Variants in CREG1 observed in about 807,000 individuals in gnomAD.
The protein encoded by CREG1 is protein CREG1.
Under a neutral mutation model 19.9 loss-of-function variants are expected in CREG1, and 20 were observed. The observed-to-expected ratio is 1.01, with a 90% CI of 0.71 to 1.46. CREG1 has a LOEUF of 1.46. Among genes scored for constraint, CREG1 ranks in the 40% most tolerant of loss-of-function variants. The pLI is 0.00. For synonymous variants in CREG1, 141 were observed against 143.3 expected (o/e 0.98, Z 0.12); for missense variants, 290 against 314.9 (o/e 0.92, Z 0.60).
intron 3 of CREG1, among the ~76,000 whole-genome samples, chr1:167,543,142 GAGGCTGAGGC>G (rs995718373): frequency 6.6e-6 from 1 of 151,952 alleles, no homozygotes; most frequent in African/African-American, 2.4e-5. Flanking sequence ...AGCTGCTCAG[GAGGCTGAGGC>G]AGGAGAATGG....
intron 3 of CREG1, 139 bp downstream of exon 3, chr1:167,545,962 T>A (rs762557046): frequency 3.9e-6 from 2 of 509,270 alleles, no homozygotes; most frequent in Non-Finnish European, 7.0e-6. Context: ...TAAAACATTA[T>A]TCTGAGAAGG....
In CREG1 at chr1:167,547,974, T is replaced by C. The variant is rs1313391703; in HGVS notation, c.474+28A>G. 7 of 1,593,992 alleles carry C rather than the reference T, an allele frequency of 4.4e-6. No homozygotes were observed. In the East Asian group the frequency reaches 6.8e-5, roughly 15 times the overall value. On this transcript the variant is annotated intron_variant, in intron 2 of 3. Coordinates refer to ENST00000370509, the MANE Select transcript of CREG1 (RefSeq NM_003851.3). ...TGAATACGATGGTGTTCTGAAACCA[T>C]CTCCCTTCCTGTAGGATAACTACTT... is the stretch of plus-strand genomic sequence containing the variant.
chr1:167,546,033 C>G (rs1432068510), intron 3 of CREG1, 68 bp downstream of exon 3: 4 of 1,391,616 alleles, frequency 2.9e-6, no homozygotes, highest in African/African-American at 1.4e-5. Flanking sequence ...TTAAACCCCC[C>G]TTGCCTTAGA....
Position 167,542,025 on chromosome 1 carries a change from G to T in CREG1, c.*273C>A. On this transcript the variant is annotated 3_prime_UTR_variant, in exon 4 of 4. Transcript: ENST00000370509. ...ACTGGAAACATCTTTGGAATTGATG[G>T]GACAAAACTTATTTGATTATAGTGA... 2.9e-6 allele frequency: 1 copy of T among 339,104 alleles called. No homozygotes were observed. Among genetic ancestry groups the T allele is most frequent in the East Asian group, 5.1e-5 (1 of 19,692 alleles). The allele number at this position is 339,104 out of a possible 1,614,324, so 21.0% of individuals were successfully genotyped here.
intron 1 of CREG1, among the ~76,000 whole-genome samples, chr1:167,552,775 G>C (rs148125566): frequency 3.3e-5 from 5 of 152,160 alleles, no homozygotes. Flanking sequence ...GGCAGGGCGC[G>C]GTGGTTCACG....
At chr1:167,543,106 GCGTGGTGGCAGGTGCC>G (rs1656253882) in intron 3 of CREG1, among the ~76,000 whole-genome samples, 1 of 152,044 alleles carries the variant, frequency 6.6e-6, no homozygotes, top group Non-Finnish European at 1.5e-5. Context: ...AATTAGCCAG[GCGTGGTGGCAGGTGCC>G]TGTGGTCCCA....
At chr1:167,548,310 G>A (rs1484301000) in intron 1 of CREG1, among the ~76,000 whole-genome samples, 189 bp from the exon 2 acceptor site, 1 of 152,214 alleles carries the variant, frequency 6.6e-6, no homozygotes, top group Non-Finnish European at 1.5e-5. Flanking sequence ...CCCCAAAGGG[G>A]GTGCGGGGGT....
intron 1 of CREG1, among the ~76,000 whole-genome samples, chr1:167,551,325 G>A (rs939470268): frequency 2.6e-5 from 4 of 152,126 alleles, no homozygotes; most frequent in Non-Finnish European, 5.9e-5. Context: ...GTCAGGAGGA[G>A]GAAAAGAAAA....
chr1:167,553,517 G>A lies in CREG1; in HGVS notation c.225C>T (p.Ser75=), dbSNP rs543544332. ...GCCGGCCGCGCACCGCCTCCAGCGT[G>A]GAGATGGTGGCCAGAGCGCCCCAGT... ...VSDWGALATI[S]TLEAVRGRPF... Residue 75 remains serine (S), a synonymous_variant, in exon 1 of 4, where the codon TCC becomes TCT. Coordinates refer to ENST00000370509, the MANE Select transcript of CREG1 (RefSeq NM_003851.3). 109 of 1,489,420 alleles carry A rather than the reference G, an allele frequency of 7.3e-5. 1 individual carries two copies. The African/African-American group carries it at 1.5e-3, about 20-fold the overall frequency. The allele number at this position is 1,489,420 out of a possible 1,614,324, so 92.3% of individuals were successfully genotyped here.
intron 1 of CREG1, among the ~76,000 whole-genome samples, chr1:167,552,754 A>C (rs1319896688): frequency 6.6e-6 from 1 of 152,182 alleles, no homozygotes; most frequent in Non-Finnish European, 1.5e-5. Context: ...ACCTTTAAGA[A>C]TAGGAGCCCA....
At chr1:167,545,153 C>T (rs889369507) in intron 3 of CREG1, among the ~76,000 whole-genome samples, 3 of 152,080 alleles carry the variant, frequency 2.0e-5, no homozygotes, top group African/African-American at 7.2e-5. Context: ...GTTACTTGCT[C>T]AGACTCAGAT....
In CREG1 at chr1:167,553,249, T is replaced by C. The variant is rs907524649; in HGVS notation, c.354+139A>G. On this transcript the variant is annotated intron_variant, in intron 1 of 3. Transcript: ENST00000370509. ...CATCTGGGACGCTGCAACGCCCACC[T>C]ACCTGCCTGCGCGGCAGAGAAGCAA... 2.8e-5 allele frequency: 19 copies of C among 672,310 alleles called. No homozygotes were observed. The East Asian group carries it at 5.9e-4, about 21-fold the overall frequency. 41.6% of individuals were successfully genotyped at this position (672,310 alleles called of 1,614,324 possible).
At chr1:167,547,904 G>C (rs1433799550) in intron 2 of CREG1, 98 bp downstream of exon 2, 14 of 1,363,210 alleles carry the variant, frequency 1.0e-5, no homozygotes, top group Non-Finnish European at 1.0e-5. Context: ...CTGGGAGACA[G>C]AGTGAGACTC....
Position 167,541,532 on chromosome 1 carries a change from C to CT in CREG1, c.*765dup, listed in dbSNP as rs1442174782. On this transcript the variant is annotated 3_prime_UTR_variant, in exon 4 of 4. Transcript: ENST00000370509. ...GGAACACACAAAATATTCTTCTCCT[C>CT]TTTCTTTTGCAATCCAGTTTTGGAG... 3 of 152,208 alleles carry CT rather than the reference C, an allele frequency of 2.0e-5. No homozygotes were observed. The highest frequency in any genetic ancestry group is 2.0e-4 in the Admixed American group (3 of 15,280). The allele number at this position is 152,208 out of a possible 1,614,324, so 9.4% of individuals were successfully genotyped here.
chr1:167,545,901 T>C (rs1487486259), intron 3 of CREG1, among the ~76,000 whole-genome samples, 200 bp downstream of exon 3: 2 of 152,232 alleles, frequency 1.3e-5, no homozygotes, highest in Admixed American at 6.5e-5. Context: ...TTTTCATAAA[T>C]GTATTTCATT....
intron 1 of CREG1, among the ~76,000 whole-genome samples, chr1:167,549,619 G>A (rs1163668369): frequency 6.6e-6 from 1 of 152,062 alleles, no homozygotes; most frequent in African/African-American, 2.4e-5. Flanking sequence ...TCCTGACCTT[G>A]TGATCCACCC....
intron 1 of CREG1, among the ~76,000 whole-genome samples, chr1:167,551,875 G>A (rs1656428576): frequency 6.6e-6 from 1 of 152,166 alleles, no homozygotes; most frequent in African/African-American, 2.4e-5. Context: ...TGGTGAACTG[G>A]GGTGTATCTG....
chr1:167,543,165 T>C (rs932092689), intron 3 of CREG1, among the ~76,000 whole-genome samples: 1 of 151,006 alleles, frequency 6.6e-6, no homozygotes, highest in Non-Finnish European at 1.5e-5. Context: ...GAGAATGGCA[T>C]GAACCCAGGA....
chr1:167,550,327 C>T (rs953423932), intron 1 of CREG1, among the ~76,000 whole-genome samples: 2 of 152,156 alleles, frequency 1.3e-5, no homozygotes, highest in Admixed American at 6.5e-5. Context: ...GTAGCTCTTA[C>T]GCAGCTATAG....
Sources: gnomAD v4.1 joint callset for allele counts (sites outside exome capture counted in the v4.1 genomes callset) on GRCh38, gnomAD v4.1.1 for gene constraint, MANE v1.5 for transcripts, NCBI Gene and HGNC (gene_info 2026-07-23, HGNC 2026-07-21) for gene names.